The following FUT8 variants were observed in gnomAD, a reference collection of about 807,000 sequenced individuals.
FUT8 encodes the protein alpha-(1,6)-fucosyltransferase.
Under a neutral mutation model 71.3 loss-of-function variants are expected in FUT8, and 29 were observed. The ratio of observed to expected loss-of-function variants is 0.41; its 90% CI spans 0.30 to 0.55. The LOEUF (loss-of-function observed/expected upper bound fraction) is 0.55, where lower values mean the gene tolerates loss of function less well. FUT8 is among the 20% of genes least tolerant of loss of function. FUT8 has a pLI of 0.34. For synonymous variants in FUT8, 254 were observed against 239.3 expected (o/e 1.06, Z -0.57); for missense variants, 544 against 702.1 (o/e 0.77, Z 2.55).
intron 5 of FUT8, among the ~76,000 whole-genome samples, chr14:65,618,778 G>C (rs1889441534): frequency 6.6e-6 from 1 of 152,290 alleles, no homozygotes; most frequent in Non-Finnish European, 1.5e-5. Flanking sequence ...TCAAATGATA[G>C]TGTATAGGTT....
intron 2 of FUT8, among the ~76,000 whole-genome samples, chr14:65,536,030 G>A (rs780869963): frequency 4.5e-4 from 69 of 152,106 alleles, no homozygotes; most frequent in Non-Finnish European, 9.0e-4. Context: ...TTACCATTAT[G>A]TCATGCCCTT....
intron 2 of FUT8, among the ~76,000 whole-genome samples, chr14:65,501,244 C>T (rs2066641237): frequency 6.6e-6 from 1 of 151,996 alleles, no homozygotes; most frequent in African/African-American, 2.4e-5. Flanking sequence ...AAAATTTCAG[C>T]CCAGAAAATT....
At chr14:65,715,415 C>G (rs980597707) in intron 7 of FUT8, among the ~76,000 whole-genome samples, 1 of 152,188 alleles carries the variant, frequency 6.6e-6, no homozygotes, top group African/African-American at 2.4e-5. Context: ...CCTTGCATCT[C>G]TGGGATAAAT....
At chr14:65,496,083 T>C (rs561205561) in intron 2 of FUT8, among the ~76,000 whole-genome samples, 11 of 152,268 alleles carry the variant, frequency 7.2e-5, no homozygotes, top group African/African-American at 2.6e-4. Flanking sequence ...ATACTAATTA[T>C]GTTTATATTT....
At chr14:65,629,816 C>T (rs950570104) in intron 6 of FUT8, among the ~76,000 whole-genome samples, 2 of 128,322 alleles carry the variant, frequency 1.6e-5, no homozygotes, top group African/African-American at 5.8e-5. Context: ...AAGGGAGCTA[C>T]TTCTTACACA....
intron 3 of FUT8, among the ~76,000 whole-genome samples, chr14:65,597,884 G>T (rs1888078885): frequency 6.6e-6 from 1 of 151,628 alleles, no homozygotes; most frequent in Non-Finnish European, 1.5e-5. Context: ...AATTTAAGCT[G>T]TTGGCCAGGC....
chr14:65,388,698 G>GT, the FUT8 span, among the ~76,000 whole-genome samples: 1 of 152,110 alleles, frequency 6.6e-6, no homozygotes, highest in Non-Finnish European at 1.5e-5. Flanking sequence ...GGAGGCGGAG[G>GT]TTGCAGGGAG....
chr14:65,412,194 T>A (rs1216972165), upstream of FUT8: 1 of 456,730 alleles, frequency 2.2e-6, no homozygotes. Context: ...AGGGCTTCGC[T>A]GAGTCTCCTG....
the FUT8 span, among the ~76,000 whole-genome samples, chr14:65,392,747 C>T: frequency 1.3e-5 from 2 of 152,142 alleles, no homozygotes; most frequent in Admixed American, 6.5e-5. Flanking sequence ...TGGTGGATTA[C>T]GCATTGGCTG....
intron 3 of FUT8, among the ~76,000 whole-genome samples, chr14:65,587,920 C>T (rs1052852436): frequency 2.6e-5 from 4 of 152,112 alleles, no homozygotes; most frequent in Admixed American, 2.0e-4. Context: ...AGTTGACAGC[C>T]CACTGAATCT....
intron 6 of FUT8, among the ~76,000 whole-genome samples, chr14:65,634,448 C>T (rs1419382327): frequency 6.6e-6 from 1 of 151,960 alleles, no homozygotes; most frequent in African/African-American, 2.4e-5. Flanking sequence ...GGGTCCTCTG[C>T]CTAGGAAAAC....
intron 3 of FUT8, among the ~76,000 whole-genome samples, chr14:65,573,687 A>G (rs1886605311): frequency 1.3e-5 from 2 of 151,516 alleles, no homozygotes; most frequent in Non-Finnish European, 2.9e-5. Flanking sequence ...CGTGCCTGTG[A>G]ATAGCCACTG....
At chr14:65,427,142 G>A (rs942196859) in intron 1 of FUT8, among the ~76,000 whole-genome samples, 2 of 152,086 alleles carry the variant, frequency 1.3e-5, no homozygotes, top group South Asian at 2.1e-4. Flanking sequence ...GATTACAGGC[G>A]TGAACCACCG....
the FUT8 span, among the ~76,000 whole-genome samples, chr14:65,387,390 C>T: frequency 1.3e-3 from 203 of 152,246 alleles, 2 homozygotes; most frequent in African/African-American, 4.5e-3. Flanking sequence ...TGCCAGTAAC[C>T]GCTCCATTCA....
In FUT8 at chr14:65,616,004, G is replaced by C. The variant is rs1448959036; in HGVS notation, c.230G>C (p.Gly77Ala). 6.2e-7 allele frequency: 1 copy of C among 1,613,796 alleles called. No individual in the cohort carries two copies. The highest frequency in any genetic ancestry group is 8.5e-7 in the Non-Finnish European group (1 of 1,179,816). Reference protein sequence around the residue: ...LRIPEGPIDQGPAIGRVRVLE... With the variant: ...LRIPEGPIDQAPAIGRVRVLE... ...ATACCAGAAGGCCCTATTGATCAGG[G>C]GCCAGCTATAGGAAGAGTACGCGTT... The change falls in exon 4 of 11, where the codon GGG (glycine) becomes GCG (alanine). Residue 77 changes from glycine to alanine, a missense_variant. By Grantham distance (60) the Gly-to-Ala change is moderately conservative. Transcript: ENST00000673929.
chr14:65,437,282 G>GA (rs1258455558), intron 1 of FUT8, among the ~76,000 whole-genome samples: 2 of 152,110 alleles, frequency 1.3e-5, no homozygotes, highest in Non-Finnish European at 2.9e-5. Flanking sequence ...AAAAGAATTT[G>GA]AAAAACAATT....
chr14:65,496,381 A>G (rs953185770), intron 2 of FUT8, among the ~76,000 whole-genome samples: 1 of 152,190 alleles, frequency 6.6e-6, no homozygotes. Flanking sequence ...AGGAACATTT[A>G]TAAGAGTATC....
upstream of FUT8, among the ~76,000 whole-genome samples, chr14:65,409,292 C>T (rs1373457920): frequency 6.6e-6 from 1 of 152,220 alleles, no homozygotes; most frequent in Non-Finnish European, 1.5e-5. The surrounding 1 kb of genome is among the most constrained non-coding windows in gnomAD (Gnocchi z 5.4). Context: ...GGCTGACAGT[C>T]AGTTGGTACA....
chr14:65,679,018 G>A (rs1043040724), intron 7 of FUT8, among the ~76,000 whole-genome samples: 1 of 152,178 alleles, frequency 6.6e-6, no homozygotes, highest in Non-Finnish European at 1.5e-5. Context: ...ATTATTTAGT[G>A]CATCTAGGTT....
Sources: gnomAD v4.1 joint callset for allele counts (sites outside exome capture counted in the v4.1 genomes callset) on GRCh38, gnomAD v4.1.1 for gene constraint, Gnocchi (gnomAD v3.1) non-coding constraint, MANE v1.5 for transcripts, NCBI Gene and HGNC (gene_info 2026-07-23, HGNC 2026-07-21) for gene names.